Variants in RADIL observed in about 807,000 individuals in gnomAD.
RADIL encodes ras-associating and dilute domain-containing protein.
In RADIL, 99 loss-of-function variants were observed where a neutral mutation model predicts 97.6. The observed-to-expected ratio is 1.01, with a 90% CI of 0.86 to 1.20. The LOEUF (loss-of-function observed/expected upper bound fraction) is 1.20, where lower values mean the gene tolerates loss of function less well. Among genes scored for constraint, RADIL ranks in the 50% most tolerant of loss-of-function variants. The probability of loss-of-function intolerance (pLI) is 0.00; values close to 1 mark genes in which losing one functional copy is unlikely to be tolerated. For synonymous variants in RADIL, 803 were observed against 691.8 expected, an observed-to-expected ratio of 1.16 and a Z score of -2.52; for missense variants, 1,765 against 1,498.9, an observed-to-expected ratio of 1.18 and a Z score of -2.93.
chr7:4,866,721 G>C (rs1784139051), intron 2 of RADIL, among the ~76,000 whole-genome samples: 1 of 152,218 alleles, frequency 6.6e-6, no homozygotes, highest in African/African-American at 2.4e-5. Flanking sequence ...GGGGTGAGGA[G>C]AGCAGCACAG....
At chr7:4,858,409 A>T (rs567916716) in intron 2 of RADIL, 1 of 152,526 alleles carries the variant, frequency 6.6e-6, no homozygotes, top group South Asian at 2.1e-4. Context: ...CTACTGCTTA[A>T]TTATGAGATT....
At chr7:4,825,299 G>A (rs1782942834) in intron 5 of RADIL, among the ~76,000 whole-genome samples, 1 of 152,190 alleles carries the variant, frequency 6.6e-6, no homozygotes. Flanking sequence ...TCTCCTGCGG[G>A]TGGAGGGAAG....
intron 2 of RADIL, chr7:4,859,691 T>C: frequency 1.7e-6 from 1 of 574,342 alleles, no homozygotes; most frequent in Non-Finnish European, 3.1e-6. Flanking sequence ...TTTTACTGAA[T>C]TCTTGATAAC....
chr7:4,854,263 A>G lies in RADIL; in HGVS notation c.536-17658T>C, dbSNP rs1208105164. ...CCCGAACTTACTGTTAGGTGAAAGAAAGCTGTATTGTGCCCAAGCTACTCT... is the reference window on the plus strand; with the variant it reads ...CCCGAACTTACTGTTAGGTGAAAGAGAGCTGTATTGTGCCCAAGCTACTCT... On this transcript the variant is annotated intron_variant, in intron 2 of 14. Coordinates refer to ENST00000399583, the MANE Select transcript of RADIL (RefSeq NM_018059.5). This position sits in a 1 kb window ranked among gnomAD's most constrained non-coding sequence, Gnocchi z 5.1. Among the ~76,000 whole-genome samples the G allele has an allele frequency of 1.3e-5, 2 of 152,198 alleles. No individual in the cohort carries two copies.
At chr7:4,843,165 G>C (rs7776704) in intron 2 of RADIL, among the ~76,000 whole-genome samples, 78,838 of 147,292 alleles carry the variant, frequency 0.54, 21,796 homozygotes, top group African/African-American at 0.69. Flanking sequence ...CACTACCCCC[G>C]ACCCCCGCCA....
At position 4,834,627 on chromosome 7, in the gene RADIL, G is replaced by A; in HGVS notation, c.1396C>T (p.Leu466=). 3.0e-6 allele frequency: 4 copies of A among 1,348,798 alleles called. No homozygotes were observed. Among genetic ancestry groups the A allele is most frequent in the Non-Finnish European group, 3.8e-6 (4 of 1,043,094 alleles). 83.6% of individuals were successfully genotyped at this position (1,348,798 alleles called of 1,614,324 possible). ...FGQLLLKIAR[L]IRETVWEKTK... is the part of the protein sequence containing the mutation. ...CTGACCCAGACAGTCTCGCGGATCA[G>A]CCTGGCTATCTTGAGCAGGAGCTGC... is the stretch of plus-strand genomic sequence containing the variant. The change falls in exon 4 of 15, where the codon CTG becomes TTG. Residue 466 remains leucine (L), a synonymous_variant. Transcript: ENST00000399583. The surrounding 1 kb of genome is among the most constrained non-coding windows in gnomAD (Gnocchi z 6.0).
chr7:4,830,538 G>A (rs975184767), intron 5 of RADIL, among the ~76,000 whole-genome samples: 3 of 152,166 alleles, frequency 2.0e-5, no homozygotes, highest in Non-Finnish European at 2.9e-5. Context: ...AATCGGGAGA[G>A]CAAGGGAGGA....
intron 2 of RADIL, among the ~76,000 whole-genome samples, chr7:4,838,939 AC>A (rs879861469): frequency 2.0e-5 from 3 of 151,634 alleles, no homozygotes; most frequent in Admixed American, 2.0e-4. Flanking sequence ...ACTCGTGCAC[AC>A]ATGCATGCAC....
At chr7:4,853,497 C>T (rs998069901) in intron 2 of RADIL, among the ~76,000 whole-genome samples, 2 of 152,060 alleles carry the variant, frequency 1.3e-5, no homozygotes, top group Admixed American at 1.3e-4. Flanking sequence ...AATCCCAGCA[C>T]TTTGGGAGGC....
At position 4,873,070 on chromosome 7, in the gene RADIL, A is replaced by G. The variant is rs997514031; in HGVS notation, c.535+4535T>C. On this transcript the variant is annotated intron_variant, in intron 2 of 14. Coordinates refer to ENST00000399583, the MANE Select transcript of RADIL (RefSeq NM_018059.5). The surrounding 1 kb of genome is among the most constrained non-coding windows in gnomAD (Gnocchi z 4.3). ...CTCTGCCTCCCAAGTAGCTGGGATT[A>G]CAGGTATGCACCATCATGCCCGGCT... is the stretch of plus-strand genomic sequence containing the variant. Among the ~76,000 whole-genome samples the G allele has an allele frequency of 3.3e-5, 5 of 152,192 alleles. No individual in the cohort carries two copies. The highest frequency in any genetic ancestry group is 2.6e-4 in the Admixed American group (4 of 15,290).
chr7:4,821,430 T>C lies in RADIL; in HGVS notation c.1615+964A>G, dbSNP rs1782827761. 6.6e-6 allele frequency among the ~76,000 whole-genome samples: 1 copy of C among 152,162 alleles called. No individual in the cohort carries two copies. The highest frequency in any genetic ancestry group is 1.5e-5 in the Non-Finnish European group (1 of 68,010). ...CTCCATTCCAGGCCCCACACAGTCC[T>C]TAGCAGACACATGAGCCGAAATCCT... On this transcript the variant is annotated intron_variant, in intron 6 of 14. Transcript: ENST00000399583. The surrounding 1 kb of genome is among the most constrained non-coding windows in gnomAD (Gnocchi z 5.2).
chr7:4,866,170 A>G (rs1583320719), intron 2 of RADIL, among the ~76,000 whole-genome samples: 1 of 152,138 alleles, frequency 6.6e-6, no homozygotes, highest in Non-Finnish European at 1.5e-5. Flanking sequence ...TTTAAGAGAT[A>G]AGGTCTCCTC....
At chr7:4,833,680 G>A (rs527400753) in intron 4 of RADIL, among the ~76,000 whole-genome samples, 3 of 152,210 alleles carry the variant, frequency 2.0e-5, no homozygotes, top group Non-Finnish European at 4.4e-5. Context: ...TCCCCTGTCT[G>A]CCGGGGATAA....
At chr7:4,865,855 A>C (rs1276532988) in intron 2 of RADIL, 3 of 694,040 alleles carry the variant, frequency 4.3e-6, no homozygotes, top group Non-Finnish European at 7.9e-6. Context: ...CTGTGTTGAG[A>C]TATGTTTAGA....
chr7:4,824,436 G>C lies in RADIL; in HGVS notation c.1455-1882C>G, dbSNP rs556034601. 5.6e-4 allele frequency among the ~76,000 whole-genome samples: 85 copies of C among 152,330 alleles called. 2 individuals carry two copies. The South Asian group carries it at 0.017, about 30-fold the overall frequency. ...GACCTTAAGGCAGCCGGTTTGTGAG[G>C]GCATCTGGGAAGGGCTGAGGCCCTG... On this transcript the variant is annotated intron_variant, in intron 5 of 14. Coordinates refer to ENST00000399583, the MANE Select transcript of RADIL (RefSeq NM_018059.5). This position sits in a 1 kb window ranked among gnomAD's most constrained non-coding sequence, Gnocchi z 6.7.
rs761068401 is a variant in RADIL at position 4,816,355 on chromosome 7, C to T, written c.1839G>A (p.Val613=). 28 of 1,611,678 alleles carry T rather than the reference C, an allele frequency of 1.7e-5. No individual in the cohort carries two copies. Among genetic ancestry groups the T allele is most frequent in the Admixed American group, 1.7e-4 (10 of 59,840 alleles). Residue 613 remains valine (V), a synonymous_variant, in exon 8 of 15, where the codon GTG becomes GTA. Transcript: ENST00000399583. ...GGTCCAGGGCTGCCTGGTACACAGA[C>T]ACCACGCGGCGCAGCTCCTCGGGCA... ...PELPEELRRV[V]SVYQAALDLL...
intron 14 of RADIL, 57 bp downstream of exon 14, chr7:4,799,573 A>G: frequency 6.2e-7 from 1 of 1,608,924 alleles, no homozygotes; most frequent in South Asian, 1.1e-5. Flanking sequence ...CCCCAGGTCC[A>G]CTCCCCTGAG....
intron 10 of RADIL, among the ~76,000 whole-genome samples, chr7:4,804,652 T>A (rs1782233464): frequency 6.6e-6 from 1 of 151,970 alleles, no homozygotes; most frequent in Admixed American, 6.6e-5. Context: ...CCAGGCATGG[T>A]GGCACACACC....
At chr7:4,852,194 G>GA in intron 2 of RADIL, among the ~76,000 whole-genome samples, 1 of 152,250 alleles carries the variant, frequency 6.6e-6, no homozygotes, top group East Asian at 1.9e-4. Flanking sequence ...CAGAGACACT[G>GA]AAAAATGAAG....
Sources: gnomAD v4.1 joint callset for allele counts (sites outside exome capture counted in the v4.1 genomes callset) on GRCh38, gnomAD v4.1.1 for gene constraint, Gnocchi (gnomAD v3.1) non-coding constraint, MANE v1.5 for transcripts, NCBI Gene and HGNC (gene_info 2026-07-23, HGNC 2026-07-21) for gene names.